ANKRD28: variants seen among roughly 807,000 people sequenced by gnomAD.
ANKRD28 encodes serine/threonine-protein phosphatase 6 regulatory ankyrin repeat subunit A.
ANKRD28 carries 44 observed loss-of-function variants against 126.5 expected under a neutral mutation model. The observed-to-expected ratio is 0.35, with a 90% CI of 0.27 to 0.45. ANKRD28 has a LOEUF of 0.45. Ranked by LOEUF, ANKRD28 falls within the 20% of genes least tolerant of loss-of-function variation. The pLI, the probability that ANKRD28 is intolerant of heterozygous loss-of-function variation, is 1.00. For synonymous variants in ANKRD28, 442 were observed against 468.5 expected (o/e 0.94, Z 0.73); for missense variants, 1,110 against 1,316.6 (o/e 0.84, Z 2.43).
rs1384901897 is a variant in ANKRD28, at chr3:15,845,355, A to G, written c.27+14022T>C. ...CATATTACATTTATCCCTCTTGACTAGCTTCTCAATTGGGAAATACTCCAA... is the reference window on the plus strand; with the variant it reads ...CATATTACATTTATCCCTCTTGACTGGCTTCTCAATTGGGAAATACTCCAA... On this transcript the variant is annotated intron_variant, in intron 1 of 27. Coordinates refer to the ANKRD28 transcript ENST00000399451. The surrounding 1 kb of genome is among the most constrained non-coding windows in gnomAD (Gnocchi z 4.9). Among the ~76,000 whole-genome samples, 1 of 152,092 alleles carries G rather than the reference A, an allele frequency of 6.6e-6. No homozygotes were observed. Among genetic ancestry groups the G allele is most frequent in the African/African-American group, 2.4e-5 (1 of 41,410 alleles).
intron 8 of ANKRD28, among the ~76,000 whole-genome samples, chr3:15,716,751 T>C (rs906785583): frequency 6.6e-5 from 10 of 152,192 alleles, no homozygotes; most frequent in Non-Finnish European, 1.2e-4. Flanking sequence ...TTGGAAGATA[T>C]AACTATAGTT....
At chr3:15,736,791 T>C (rs1352558762) in intron 5 of ANKRD28, among the ~76,000 whole-genome samples, 2 of 152,206 alleles carry the variant, frequency 1.3e-5, no homozygotes, top group East Asian at 3.8e-4. Flanking sequence ...TAGAACATAC[T>C]TTTCCTGTTG....
At chr3:15,831,756 A>G (rs113957267) in intron 1 of ANKRD28, among the ~76,000 whole-genome samples, 7 of 152,330 alleles carry the variant, frequency 4.6e-5, no homozygotes, top group African/African-American at 1.7e-4. Flanking sequence ...TCTACCTTCA[A>G]AAAATATCTG....
chr3:15,756,507 C>T, intron 3 of ANKRD28: 1 of 985,388 alleles, frequency 1.0e-6, no homozygotes, highest in Non-Finnish European at 1.2e-6. Context: ...TCTAGGCAGC[C>T]AGCAATGCAG....
In ANKRD28 at chr3:15,815,399, TG is replaced by T. The variant is rs1345045734; in HGVS notation, c.28-20094del. On this transcript the variant is annotated intron_variant, in intron 1 of 27. Transcript: ENST00000399451. The surrounding 1 kb of genome is among the most constrained non-coding windows in gnomAD (Gnocchi z 4.1). The stretch of plus-strand genomic sequence containing the variant: ...GTAGTTTCAACCTCCTGGGTTCAAA[TG>T]ATCCTCCCACCTCAGCCTCCTCAGT... 1.3e-5 allele frequency among the ~76,000 whole-genome samples: 2 copies of T among 152,170 alleles called. No individual in the cohort carries two copies. The highest frequency in any genetic ancestry group is 4.8e-5 in the African/African-American group (2 of 41,448).
At chr3:15,751,195 T>C (rs1346448430) in intron 4 of ANKRD28, among the ~76,000 whole-genome samples, 1 of 152,204 alleles carries the variant, frequency 6.6e-6, no homozygotes, top group Non-Finnish European at 1.5e-5. Flanking sequence ...GTGCAAATAA[T>C]GAACATTTTC....
chr3:15,859,769 C>A (rs2061867188), exon 1 of ANKRD28: 1 of 153,074 alleles, frequency 6.5e-6, no homozygotes, highest in Non-Finnish European at 1.5e-5. Flanking sequence ...CCCCCGCGGC[C>A]GCGCCGTTCC....
chr3:15,822,482 G>A lies in ANKRD28; in HGVS notation c.28-27176C>T, dbSNP rs114838183. Among the ~76,000 whole-genome samples the A allele has an allele frequency of 5.8e-3, 886 of 152,224 alleles. 14 individuals are homozygous for A. The highest frequency in any genetic ancestry group is 0.02 in the African/African-American group (829 of 41,522). Reference sequence around the variant, plus strand: ...GCAGCAATAACAATCCCCAGGGAGGGGGAAACATTGGCTCTCCAGCTACAA... The same window carrying A: ...GCAGCAATAACAATCCCCAGGGAGGAGGAAACATTGGCTCTCCAGCTACAA... On this transcript the variant is annotated intron_variant, in intron 1 of 27. Transcript: ENST00000399451.
In ANKRD28 at chr3:15,854,738, CCT is replaced by C. The variant is rs1394758302; in HGVS notation, c.27+4637_27+4638del. 3.3e-5 allele frequency among the ~76,000 whole-genome samples: 5 copies of C among 152,034 alleles called. No homozygotes were observed. The highest frequency in any genetic ancestry group is 5.9e-5 in the Non-Finnish European group (4 of 67,998). ...TGGTAGCTACTTCACCCTTGTGTCC[CCT>C]GTCATCTCCAGCACAAAACAGGAAG... On this transcript the variant is annotated intron_variant, in intron 1 of 27. Transcript: ENST00000399451. The surrounding 1 kb of genome is among the most constrained non-coding windows in gnomAD (Gnocchi z 4.1).
At chr3:15,777,878 AC>A (rs2059362511) in intron 2 of ANKRD28, among the ~76,000 whole-genome samples, 1 of 150,754 alleles carries the variant, frequency 6.6e-6, no homozygotes, top group East Asian at 1.9e-4. Flanking sequence ...ACACACACAC[AC>A]ACACACACAC....
intron 14 of ANKRD28, among the ~76,000 whole-genome samples, chr3:15,699,716 A>G (rs543504638): frequency 9.8e-5 from 15 of 152,342 alleles, no homozygotes; most frequent in African/African-American, 3.1e-4. Context: ...AATGGCCATC[A>G]TTAAAAAGTC....
chr3:15,748,777 C>A (rs1223224367), intron 4 of ANKRD28, among the ~76,000 whole-genome samples: 1 of 152,188 alleles, frequency 6.6e-6, no homozygotes, highest in Non-Finnish European at 1.5e-5. Flanking sequence ...ATTATTCTCT[C>A]AAATATAGTT....
chr3:15,846,945 CCAAACA>C lies in ANKRD28; in HGVS notation c.27+12426_27+12431del, dbSNP rs1210343126. Among the ~76,000 whole-genome samples the C allele has an allele frequency of 1.4e-4, 22 of 152,158 alleles. No homozygotes were observed. The highest frequency in any genetic ancestry group is 1.0e-4 in the Non-Finnish European group (7 of 68,034). On this transcript the variant is annotated intron_variant, in intron 1 of 27. Transcript: ENST00000399451. The surrounding 1 kb of genome is among the most constrained non-coding windows in gnomAD (Gnocchi z 5.4). ...CCAGATTTCAATCATATGGCCATCC[CCAAACA>C]CAAAAGGTCTAGTAAATATAAGTTA...
At chr3:15,740,212 T>C (rs777758943) in intron 4 of ANKRD28, among the ~76,000 whole-genome samples, 35 of 152,200 alleles carry the variant, frequency 2.3e-4, no homozygotes, top group African/African-American at 5.6e-4. Flanking sequence ...AGAACAGTGG[T>C]TGCCTCTGGG....
At chr3:15,693,305 C>T (rs2069046364) in intron 17 of ANKRD28, among the ~76,000 whole-genome samples, 1 of 150,648 alleles carries the variant, frequency 6.6e-6, no homozygotes, top group Non-Finnish European at 1.5e-5. Flanking sequence ...AAATCTCTGA[C>T]AAAAAAATAG....
rs768650313 is a variant in ANKRD28, at chr3:15,766,283, G to T, written c.231C>A (p.Ala77=). Residue 77 remains alanine (A), a synonymous_variant, in exon 3 of 28, where the codon GCC becomes GCA. Transcript: ENST00000683139. ...QDNEKRTPLH[A]AAYLGDAEII... Reference sequence around the variant, plus strand: ...TTTCTGCATCTCCAAGGTAAGCTGCGGCGTGCAATGGGGTTCGCTTTTCAT... The same window carrying T: ...TTTCTGCATCTCCAAGGTAAGCTGCTGCGTGCAATGGGGTTCGCTTTTCAT... 1.2e-6 allele frequency: 2 copies of T among 1,610,906 alleles called. No individual in the cohort carries two copies. The highest frequency in any genetic ancestry group is 2.7e-5 in the African/African-American group (2 of 74,820).
chr3:15,723,041 T>A (rs2073886779), intron 7 of ANKRD28, among the ~76,000 whole-genome samples: 1 of 152,190 alleles, frequency 6.6e-6, no homozygotes. Flanking sequence ...AGTTTACAAA[T>A]GTAACTGACT....
intron 1 of ANKRD28, among the ~76,000 whole-genome samples, chr3:15,829,308 C>T (rs1006873394): frequency 1.3e-5 from 2 of 152,120 alleles, no homozygotes; most frequent in African/African-American, 2.4e-5. Context: ...CTCACAGCTG[C>T]TTTTGCATTC....
intron 8 of ANKRD28, among the ~76,000 whole-genome samples, chr3:15,716,232 T>A (rs2073016838): frequency 6.6e-6 from 1 of 151,194 alleles, no homozygotes. Flanking sequence ...TCCACCCGCC[T>A]CGGCCTCCCA....
Sources: gnomAD v4.1 joint callset for allele counts (sites outside exome capture counted in the v4.1 genomes callset) on GRCh38, gnomAD v4.1.1 for gene constraint, Gnocchi (gnomAD v3.1) non-coding constraint, MANE v1.5 for transcripts, NCBI Gene and HGNC (gene_info 2026-07-23, HGNC 2026-07-21) for gene names.